Variants in LRRTM1 observed in about 807,000 individuals in gnomAD.
The protein encoded by LRRTM1 is leucine-rich repeat transmembrane neuronal protein 1.
In LRRTM1, 8 loss-of-function variants were observed where a neutral mutation model predicts 37.3. The ratio of observed to expected loss-of-function variants is 0.21; its 90% CI spans 0.13 to 0.39. LRRTM1 has a LOEUF of 0.39. LRRTM1 is among the 10% of genes least tolerant of loss of function. The pLI is 1.00. For synonymous variants in LRRTM1, 326 were observed against 316.8 expected (o/e 1.03, Z -0.31); for missense variants, 557 against 691.0 (o/e 0.81, Z 2.17).
Position 80,302,946 on chromosome 2 carries a change from G to A in LRRTM1, c.874C>T (p.Leu292Phe). 3 of 1,613,970 alleles carry A rather than the reference G, an allele frequency of 1.9e-6. No homozygotes were observed. Among genetic ancestry groups the A allele is most frequent in the Non-Finnish European group, 2.5e-6 (3 of 1,180,008 alleles). Reference protein sequence around the residue: ...LQSLQLDSNRLTYIEPRILNS... With the variant: ...LQSLQLDSNRFTYIEPRILNS... ...AGGATCCGGGGCTCGATGTAGGTGA[G>A]GCGGTTGGAGTCCAGCTGCAGGGAC... is the stretch of plus-strand genomic sequence containing the variant. Residue 292 changes from leucine (L) to phenylalanine (F), a missense_variant, in exon 2 of 2, where the codon CTC becomes TTC. Leu to Phe is a conservative substitution (Grantham distance 22, BLOSUM62 0). Coordinates refer to ENST00000295057, the MANE Select transcript of LRRTM1 (RefSeq NM_178839.5). The surrounding 1 kb of genome is among the most constrained non-coding windows in gnomAD (Gnocchi z 6.4).
In LRRTM1 at chr2:80,302,145, G is replaced by A. The variant is rs1676378494; in HGVS notation, c.*106C>T. On this transcript the variant is annotated 3_prime_UTR_variant, in exon 2 of 2. Transcript: ENST00000295057. The surrounding 1 kb of genome is among the most constrained non-coding windows in gnomAD (Gnocchi z 6.4). ...AGATCCCCTTAAAGTTTCAGTCAAGGAGCATATCAGAGCACAGACAAGGAG... is the reference window on the plus strand; with the variant it reads ...AGATCCCCTTAAAGTTTCAGTCAAGAAGCATATCAGAGCACAGACAAGGAG... The A allele has an allele frequency of 7.2e-7, 1 of 1,382,360 alleles. No homozygotes were observed. The highest frequency in any genetic ancestry group is 1.4e-5 in the South Asian group (1 of 69,434). The allele number at this position is 1,382,360 out of a possible 1,614,324, so 85.6% of individuals were successfully genotyped here.
In LRRTM1 at chr2:80,292,815, G is replaced by A. The variant is rs533482545; in HGVS notation, c.*307-3620C>T. Reference sequence around the variant, plus strand: ...ATTGAATGAGTTGAGCAATATAATCGGAAGTTAAAAGCATCTGAGTGATAT... The same window carrying A: ...ATTGAATGAGTTGAGCAATATAATCAGAAGTTAAAAGCATCTGAGTGATAT... On this transcript the variant is annotated intron_variant and NMD_transcript_variant, in intron 2 of 2. Transcript: ENST00000417012. Among the ~76,000 whole-genome samples the A allele has an allele frequency of 3.9e-5, 6 of 152,296 alleles. No individual in the cohort carries two copies. The East Asian group carries it at 9.6e-4, about 24-fold the overall frequency.
At chr2:80,296,065 C>T (rs1013459120) in intron 2 of LRRTM1, among the ~76,000 whole-genome samples, 4 of 151,786 alleles carry the variant, frequency 2.6e-5, no homozygotes, top group Admixed American at 6.6e-5. Flanking sequence ...TAGTTTTTTA[C>T]GATTATTGCG....
rs137894458 is a variant in LRRTM1, at chr2:80,303,742, C to T, written c.78G>A (p.Gly26=). The change falls in exon 2 of 2, where the codon GGG becomes GGA. Residue 26 remains glycine, a synonymous_variant. Coordinates refer to ENST00000295057, the MANE Select transcript of LRRTM1 (RefSeq NM_178839.5). The surrounding 1 kb of genome is among the most constrained non-coding windows in gnomAD (Gnocchi z 7.7). Reference sequence around the variant, plus strand: ...CGGCGGGCAGCATCTGAAAGCAGGCCCCCAGCAGACACAAGACCACCCCCG... The same window carrying T: ...CGGCGGGCAGCATCTGAAAGCAGGCTCCCAGCAGACACAAGACCACCCCCG... ...RPSGVVLCLL[G]ACFQMLPAAP... 1.3e-3 allele frequency: 2,050 copies of T among 1,596,560 alleles called. 2 individuals carry two copies. Among genetic ancestry groups the T allele is most frequent in the Non-Finnish European group, 1.6e-3 (1,820 of 1,171,854 alleles).
chr2:80,297,004 G>A (rs1165334290), downstream of LRRTM1, among the ~76,000 whole-genome samples: 1 of 152,166 alleles, frequency 6.6e-6, no homozygotes. Context: ...CTCTCTCTGA[G>A]TCTAAAATCC....
In LRRTM1 at chr2:80,303,169, C is replaced by T. The variant is rs1676529350; in HGVS notation, c.651G>A (p.Glu217=). The change falls in exon 2 of 2, where the codon GAG becomes GAA. Residue 217 remains glutamate (E), a synonymous_variant. Transcript: ENST00000295057. This position sits in a 1 kb window ranked among gnomAD's most constrained non-coding sequence, Gnocchi z 7.7. ...AGTTCACCTTGACCAAGTCGTTGTG[C>T]TCGAGGTGCAGCTCGGTGAGCTTAA... ...GLFKLTELHL[E]HNDLVKVNFA... 2 of 1,613,964 alleles carry T rather than the reference C, an allele frequency of 1.2e-6. No individual in the cohort carries two copies. The highest frequency in any genetic ancestry group is 1.7e-6 in the Non-Finnish European group (2 of 1,179,996).
intron 2 of LRRTM1, among the ~76,000 whole-genome samples, chr2:80,296,767 G>T (rs373769655): frequency 4.6e-5 from 7 of 152,200 alleles, no homozygotes; most frequent in African/African-American, 1.7e-4. Context: ...TCCTTTGCTT[G>T]TAGGATGTTT....
Position 80,302,133 on chromosome 2 carries a change from G to C in LRRTM1, c.*118C>G, listed in dbSNP as rs1373220557. On this transcript the variant is annotated 3_prime_UTR_variant, in exon 2 of 2. Coordinates refer to ENST00000295057, the MANE Select transcript of LRRTM1 (RefSeq NM_178839.5). This position sits in a 1 kb window ranked among gnomAD's most constrained non-coding sequence, Gnocchi z 6.4. ...AGTCTCTGGGAGAGATCCCCTTAAA[G>C]TTTCAGTCAAGGAGCATATCAGAGC... 7.7e-7 allele frequency: 1 copy of C among 1,300,872 alleles called. No homozygotes were observed. The highest frequency in any genetic ancestry group is 1.0e-6 in the Non-Finnish European group (1 of 966,042). The allele number at this position is 1,300,872 out of a possible 1,614,324, so 80.6% of individuals were successfully genotyped here.
chr2:80,300,281 G>GGGGTGTGTGTGT (rs1353283390), downstream of LRRTM1, among the ~76,000 whole-genome samples: 9 of 93,106 alleles, frequency 9.7e-5, no homozygotes, highest in Non-Finnish European at 1.7e-4. Flanking sequence ...GGGGTGTTGG[G>GGGGTGTGTGTGT]GTGTGTGTGT....
downstream of LRRTM1, chr2:80,299,809 A>G (rs1189261798): frequency 6.6e-6 from 1 of 152,160 alleles, no homozygotes; most frequent in East Asian, 1.9e-4. Flanking sequence ...CTTGCCAGAA[A>G]GGTTTTGCTT....
At chr2:80,292,918 C>T (rs965870676) in intron 2 of LRRTM1, among the ~76,000 whole-genome samples, 2 of 151,796 alleles carry the variant, frequency 1.3e-5, no homozygotes, top group African/African-American at 2.4e-5. Flanking sequence ...TTTTTTTGTA[C>T]CTTTATGATT....
In LRRTM1 at chr2:80,302,790, T is replaced by C. The variant is rs1676474422; in HGVS notation, c.1030A>G (p.Ser344Gly). 5 of 1,613,618 alleles carry C rather than the reference T, an allele frequency of 3.1e-6. No homozygotes were observed. The highest frequency in any genetic ancestry group is 4.2e-6 in the Non-Finnish European group (5 of 1,179,922). Reference protein sequence around the residue: ...GRYDGNLQCASPEYAQGEDVL... With the variant: ...GRYDGNLQCAGPEYAQGEDVL... ...TCCTCGCCCTGTGCGTACTCCGGGC[T>C]GGCGCACTGCAAGTTGCCATCGTAG... The change falls in exon 2 of 2, where the codon AGC (serine) becomes GGC (glycine). Residue 344 changes from serine (S) to glycine (G), a missense_variant. By Grantham distance (56) the Ser-to-Gly change is moderately conservative. Transcript: ENST00000295057. The surrounding 1 kb of genome is among the most constrained non-coding windows in gnomAD (Gnocchi z 6.4).
chr2:80,303,706 C>A lies in LRRTM1; in HGVS notation c.114G>T (p.Gly38=). ...CCTCGCACCGGCACAGCTGCGGGCA[C>A]CCGCTGGGGGCGGCGGGCAGCATCT... ...CFQMLPAAPS[G]CPQLCRCEGR... The change falls in exon 2 of 2, where the codon GGG becomes GGT. Residue 38 remains glycine (G), a synonymous_variant. Coordinates refer to ENST00000295057, the MANE Select transcript of LRRTM1 (RefSeq NM_178839.5). This position sits in a 1 kb window ranked among gnomAD's most constrained non-coding sequence, Gnocchi z 7.7. 6.2e-7 allele frequency: 1 copy of A among 1,609,326 alleles called. No homozygotes were observed. Among genetic ancestry groups the A allele is most frequent in the Non-Finnish European group, 8.5e-7 (1 of 1,177,588 alleles).
In LRRTM1 at chr2:80,303,761, A is replaced by C. The variant is rs1573650353; in HGVS notation, c.59T>G (p.Val20Gly). ...GCAGGCCCCCAGCAGACACAAGACC[A>C]CCCCCGAGGGCCTCCTCAGCAGCCA... is the stretch of plus-strand genomic sequence containing the variant. ...LYWLLRRPSGVVLCLLGACFQ... is the reference protein window; with the variant it reads ...LYWLLRRPSGGVLCLLGACFQ... Residue 20 changes from valine to glycine, a missense_variant, in exon 2 of 2, where the codon GTG becomes GGG. Around this residue, in one of 5 missense-constraint regions of LRRTM1, gnomAD observed 140 missense variants for 138.1 expected, o/e 1.01. Coordinates refer to ENST00000295057, the MANE Select transcript of LRRTM1 (RefSeq NM_178839.5). The surrounding 1 kb of genome is among the most constrained non-coding windows in gnomAD (Gnocchi z 7.7). The C allele has an allele frequency of 6.4e-7, 1 of 1,573,432 alleles. No individual in the cohort carries two copies. Among genetic ancestry groups the C allele is most frequent in the East Asian group, 2.2e-5 (1 of 44,458 alleles).
At chr2:80,294,852 C>T (rs1044259683) in intron 2 of LRRTM1, among the ~76,000 whole-genome samples, 4 of 151,950 alleles carry the variant, frequency 2.6e-5, no homozygotes, top group East Asian at 3.9e-4. Flanking sequence ...TCTCATAACA[C>T]GAGGGAAAAT....
downstream of LRRTM1, among the ~76,000 whole-genome samples, chr2:80,297,378 T>G (rs1174613566): frequency 6.6e-6 from 1 of 152,212 alleles, no homozygotes; most frequent in Non-Finnish European, 1.5e-5. Context: ...AAGCCTCAGG[T>G]TCTTCATGTG....
downstream of LRRTM1, among the ~76,000 whole-genome samples, chr2:80,297,533 G>A (rs1485074784): frequency 6.6e-6 from 1 of 152,116 alleles, no homozygotes; most frequent in African/African-American, 2.4e-5. Context: ...CCTTCACTTT[G>A]AGTAAAAAAA....
At chr2:80,291,184 G>A (rs904236921) in intron 2 of LRRTM1, among the ~76,000 whole-genome samples, 3 of 152,246 alleles carry the variant, frequency 2.0e-5, no homozygotes, top group Admixed American at 6.5e-5. Flanking sequence ...CTCTAAAGAC[G>A]TTGGAGTCTT....
downstream of LRRTM1, among the ~76,000 whole-genome samples, chr2:80,301,258 C>T (rs769113531): frequency 6.6e-6 from 1 of 152,202 alleles, no homozygotes; most frequent in Non-Finnish European, 1.5e-5. Context: ...CAATGTGCTC[C>T]AGAAGCACAG....
Sources: allele counts gnomAD v4.1 joint callset (sites outside exome capture counted in the v4.1 genomes callset), GRCh38; gene constraint gnomAD v4.1.1; regional missense constraint gnomAD v4.1.1; non-coding constraint Gnocchi (gnomAD v3.1); transcripts MANE v1.5; gene names NCBI Gene and HGNC (gene_info 2026-07-23, HGNC 2026-07-21).